The following GLDC variants were observed in gnomAD, a reference collection of about 807,000 sequenced individuals.
The protein encoded by GLDC is glycine dehydrogenase (decarboxylating), mitochondrial.
Under a neutral mutation model 121.3 loss-of-function variants are expected in GLDC, and 104 were observed. The ratio of observed to expected loss-of-function variants is 0.86; its 90% CI spans 0.73 to 1.01. The LOEUF (loss-of-function observed/expected upper bound fraction) is 1.01, where lower values mean the gene tolerates loss of function less well. Ranked by LOEUF, GLDC falls within the 50% of genes least tolerant of loss-of-function variation. GLDC has a pLI of 0.00. For synonymous variants in GLDC, 546 were observed against 480.6 expected (o/e 1.14, Z -1.78); for missense variants, 1,429 against 1,306.6 (o/e 1.09, Z -1.44).
intron 14 of GLDC, 107 bp from the exon 15 acceptor site, chr9:6,587,390 G>A (rs1818292665): frequency 4.8e-6 from 4 of 836,688 alleles, no homozygotes; most frequent in Non-Finnish European, 8.0e-6. Flanking sequence ...GCCAGGCACT[G>A]TTCTAAGCGC....
chr9:6,593,243 A>C lies in GLDC; in HGVS notation c.1262-253T>G, dbSNP rs182185213. The C allele has an allele frequency of 2.4e-5, 10 of 408,828 alleles. No homozygotes were observed. In the East Asian group the frequency reaches 4.0e-4, roughly 16 times the overall value. 25.3% of individuals were successfully genotyped at this position (408,828 alleles called of 1,614,324 possible). On this transcript the variant is annotated intron_variant, in intron 9 of 24. Transcript: ENST00000321612. ...GTGTATTTTGGTGTATTATTTCTCA[A>C]GAAATGGGGGAGCAGGTAGTATCAG...
intron 11 of GLDC, among the ~76,000 whole-genome samples, chr9:6,591,108 C>T (rs554592721): frequency 6.6e-6 from 1 of 152,322 alleles, no homozygotes; most frequent in South Asian, 2.1e-4. Context: ...ACTCTCATCC[C>T]ATGGAATGGT....
At chr9:6,615,189 AT>A (rs1471850211) in intron 3 of GLDC, among the ~76,000 whole-genome samples, 3 of 152,232 alleles carry the variant, frequency 2.0e-5, no homozygotes, top group Non-Finnish European at 2.9e-5. Flanking sequence ...ATTCAAGTGA[AT>A]AATAGCAACT....
intron 8 of GLDC, among the ~76,000 whole-genome samples, chr9:6,597,235 T>A (rs1006182870): frequency 2.0e-5 from 3 of 151,988 alleles, no homozygotes; most frequent in African/African-American, 7.2e-5. Context: ...GGATGAGGAG[T>A]GACTACTTCA....
intron 22 of GLDC, among the ~76,000 whole-genome samples, chr9:6,539,209 G>A (rs1434980386): frequency 2.0e-5 from 3 of 152,032 alleles, no homozygotes; most frequent in Admixed American, 6.6e-5. Flanking sequence ...TGGGCGTGCT[G>A]GCTCACACCT....
intron 7 of GLDC, among the ~76,000 whole-genome samples, chr9:6,603,083 C>T (rs1370855419): frequency 6.6e-6 from 1 of 151,820 alleles, no homozygotes; most frequent in Non-Finnish European, 1.5e-5. Flanking sequence ...CAAAAATTAG[C>T]CAGACATGGT....
At chr9:6,597,162 C>A (rs1818507881) in intron 8 of GLDC, among the ~76,000 whole-genome samples, 1 of 152,146 alleles carries the variant, frequency 6.6e-6, no homozygotes, top group South Asian at 2.1e-4. Context: ...ATATTCAGAA[C>A]AGGCAAATCC....
intron 7 of GLDC, among the ~76,000 whole-genome samples, chr9:6,603,659 A>AT (rs1191508667): frequency 6.6e-5 from 10 of 150,904 alleles, no homozygotes; most frequent in East Asian, 5.8e-4. Flanking sequence ...CAAAAACATA[A>AT]TTTTTTTTTC....
Position 6,574,271 on chromosome 9 carries a change from C to T in GLDC, c.1851-8842G>A, listed in dbSNP as rs190392096. On this transcript the variant is annotated intron_variant, in intron 15 of 24. Transcript: ENST00000321612. ...TCACCTGAGGTCAGGAGTTCAAGACCAGCCTGGCCAACACAGTGAAACCCC... is the reference window on the plus strand; with the variant it reads ...TCACCTGAGGTCAGGAGTTCAAGACTAGCCTGGCCAACACAGTGAAACCCC... 2.4e-3 allele frequency among the ~76,000 whole-genome samples: 358 copies of T among 152,162 alleles called. 2 individuals are homozygous for T. The highest frequency in any genetic ancestry group is 8.0e-3 in the African/African-American group (332 of 41,524).
intron 22 of GLDC, among the ~76,000 whole-genome samples, chr9:6,538,360 C>G (rs1817181556): frequency 6.6e-6 from 1 of 152,182 alleles, no homozygotes; most frequent in South Asian, 2.1e-4. Flanking sequence ...TAGCCTGGAA[C>G]TGCTGGGTAA....
At chr9:6,580,940 C>T (rs1413108147) in intron 15 of GLDC, among the ~76,000 whole-genome samples, 2 of 152,224 alleles carry the variant, frequency 1.3e-5, no homozygotes, top group Non-Finnish European at 2.9e-5. Flanking sequence ...GTGCTGCTCA[C>T]AGGTCTTTGT....
At chr9:6,565,282 C>T (rs1817832533) in intron 16 of GLDC, 72 bp downstream of exon 16, 3 of 1,067,482 alleles carry the variant, frequency 2.8e-6, no homozygotes, top group Non-Finnish European at 4.4e-6. Flanking sequence ...GGGAGTGTCC[C>T]ACAGAAGGGA....
At chr9:6,633,067 C>T (rs1307823936) in intron 2 of GLDC, among the ~76,000 whole-genome samples, 13 of 152,146 alleles carry the variant, frequency 8.5e-5, no homozygotes, top group Admixed American at 7.9e-4. Context: ...TCAGTCTCAG[C>T]CTTCCTGTCT....
At chr9:6,639,918 CA>C (rs989389815) in intron 2 of GLDC, among the ~76,000 whole-genome samples, 25 of 152,058 alleles carry the variant, frequency 1.6e-4, no homozygotes, top group African/African-American at 5.8e-4. Context: ...CAATTGGCCC[CA>C]AATGGCCAGA....
intron 3 of GLDC, among the ~76,000 whole-genome samples, chr9:6,617,169 C>T (rs565708858): frequency 5.3e-5 from 8 of 152,192 alleles, no homozygotes; most frequent in Non-Finnish European, 1.2e-4. Context: ...AAATCTACCA[C>T]CCACATGTGC....
At position 6,630,950 on chromosome 9, in the gene GLDC, G is replaced by A. The variant is rs542718347; in HGVS notation, c.335-10631C>T. On this transcript the variant is annotated intron_variant, in intron 2 of 24. Coordinates refer to ENST00000321612, the MANE Select transcript of GLDC (RefSeq NM_000170.3). Reference sequence around the variant, plus strand: ...AAGTTTCCTCCCTGGGCAGAGGAGGGTTTCACTAGCCAAGTCAGCTGAATC... The same window carrying A: ...AAGTTTCCTCCCTGGGCAGAGGAGGATTTCACTAGCCAAGTCAGCTGAATC... Among the ~76,000 whole-genome samples, 16 of 152,188 alleles carry A rather than the reference G, an allele frequency of 1.1e-4. 1 individual carries two copies. The highest frequency in any genetic ancestry group is 1.6e-4 in the Non-Finnish European group (11 of 68,044).
At chr9:6,537,238 C>T (rs1342466916) in intron 22 of GLDC, among the ~76,000 whole-genome samples, 1 of 151,956 alleles carries the variant, frequency 6.6e-6, no homozygotes, top group Non-Finnish European at 1.5e-5. Context: ...CCATGTTGTC[C>T]GGGCTACCGA....
At chr9:6,619,146 CAAAAAAAAAAA>C (rs1162280442) in intron 3 of GLDC, among the ~76,000 whole-genome samples, 12,692 of 60,398 alleles carry the variant, frequency 0.21, 551 homozygotes, top group South Asian at 0.35. Flanking sequence ...CTGTCTCAGG[CAAAAAAAAAAA>C]AAAAAAAAAA....
At chr9:6,540,616 A>C (rs1817236405) in intron 21 of GLDC, 1 of 177,910 alleles carries the variant, frequency 5.6e-6, no homozygotes, top group Non-Finnish European at 1.2e-5. Context: ...ATAGGTATGG[A>C]TATATTAAAC....
Sources: allele counts gnomAD v4.1 joint callset (sites outside exome capture counted in the v4.1 genomes callset), GRCh38; gene constraint gnomAD v4.1.1; transcripts MANE v1.5; gene names NCBI Gene and HGNC (gene_info 2026-07-23, HGNC 2026-07-21).